ESR2: variants seen among roughly 807,000 people sequenced by gnomAD.
The protein encoded by ESR2 is estrogen receptor beta.
Under a neutral mutation model 49.6 loss-of-function variants are expected in ESR2, and 36 were observed. The ratio of observed to expected loss-of-function variants is 0.73; its 90% confidence interval spans 0.56 to 0.96. The LOEUF (loss-of-function observed/expected upper bound fraction) is 0.96, where lower values mean the gene tolerates loss of function less well. Ranked by LOEUF, ESR2 falls within the 40% of genes least tolerant of loss-of-function variation. The pLI is 0.00. For missense variants in ESR2, 714 were observed against 693.0 expected, an observed-to-expected ratio of 1.03 and a Z score of -0.34; for synonymous variants, 320 against 266.1, an observed-to-expected ratio of 1.20 and a Z score of -1.97.
intron 2 of ESR2, among the ~76,000 whole-genome samples, chr14:64,281,622 C>A (rs2076670030): frequency 6.6e-6 from 1 of 152,110 alleles, no homozygotes; most frequent in Non-Finnish European, 1.5e-5. Flanking sequence ...GCCCTTAGTA[C>A]TTTTAGATTT....
Position 64,249,911 on chromosome 14 carries a change from A to C in ESR2, c.1092-232T>G, listed in dbSNP as rs2274705. 0.18 allele frequency among the ~76,000 whole-genome samples: 26,958 copies of C among 152,194 alleles called. 3,922 individuals carry two copies. Among genetic ancestry groups the C allele is most frequent in the African/African-American group, 0.4 (16,659 of 41,472 alleles). On this transcript the variant is annotated intron_variant, in intron 6 of 8. Transcript: ENST00000341099. ...TTTCCTATAAATCCCTGAAGTAAATATATGAATAAATATTATTTAGGCAAA... is the reference window on the plus strand; with the variant it reads ...TTTCCTATAAATCCCTGAAGTAAATCTATGAATAAATATTATTTAGGCAAA...
intron 3 of ESR2, among the ~76,000 whole-genome samples, chr14:64,276,289 C>T (rs1412019573): frequency 6.6e-6 from 1 of 151,856 alleles, no homozygotes; most frequent in Non-Finnish European, 1.5e-5. Flanking sequence ...AATGCCAGAA[C>T]CCAATATAAA....
intron 4 of ESR2, among the ~76,000 whole-genome samples, chr14:64,266,390 G>T (rs939256333): frequency 6.6e-6 from 1 of 152,222 alleles, no homozygotes; most frequent in African/African-American, 2.4e-5. Context: ...GTTACAGTCA[G>T]CAGGAAGTGA....
chr14:64,336,060 A>T (rs2077528451), intron 1 of ESR2: 1 of 151,148 alleles, frequency 6.6e-6, no homozygotes. Context: ...CATGTTGGCC[A>T]GGCTGGGCTC....
At chr14:64,238,536 C>T (rs757340586) in intron 7 of ESR2, among the ~76,000 whole-genome samples, 8 of 152,110 alleles carry the variant, frequency 5.3e-5, no homozygotes, top group Non-Finnish European at 8.8e-5. Flanking sequence ...CATCCATGCT[C>T]AGGCCCTTGC....
rs397961804 is a variant in ESR2 at position 64,325,980 on chromosome 14, A to AT, written c.-91+11917dup. The stretch of plus-strand genomic sequence containing the variant: ...GGGAGGAGTCAACAATTATACACAG[A>AT]TTTTTTTTTTTTTTGCATGATGGCC... On this transcript the variant is annotated intron_variant, in intron 1 of 8. Transcript: ENST00000358599. Among the ~76,000 whole-genome samples the AT allele has an allele frequency of 7.1e-3, 1,023 of 144,142 alleles. 6 individuals are homozygous for AT. Among genetic ancestry groups the AT allele is most frequent in the Non-Finnish European group, 0.01 (673 of 65,310 alleles). 94.6% of individuals were successfully genotyped at this position (144,142 alleles called of 152,430 possible). A position where few individuals can be genotyped will look rare whatever the true frequency, so the allele number is the denominator to read the frequency against.
rs869146485 is a variant in ESR2 at position 64,262,110 on chromosome 14, C to CT, written c.653-1363dup. On this transcript the variant is annotated intron_variant, in intron 4 of 8. Transcript: ENST00000341099. ...TTTATATGCTTGTTCTTTGGATTTACTTTTTTTTTTTTTTTTTTAAGAGAC... is the reference window on the plus strand; with the variant it reads ...TTTATATGCTTGTTCTTTGGATTTACTTTTTTTTTTTTTTTTTTTAAGAGAC... Among the ~76,000 whole-genome samples, 1,342 of 136,162 alleles carry CT rather than the reference C, an allele frequency of 9.9e-3. 14 individuals are homozygous for CT. Among genetic ancestry groups the CT allele is most frequent in the South Asian group, 0.027 (113 of 4,216 alleles). The allele number at this position is 136,162 out of a possible 152,430, so 89.3% of individuals were successfully genotyped here. A position where few individuals can be genotyped will look rare whatever the true frequency, so the allele number is the denominator to read the frequency against.
chr14:64,265,656 A>T (rs1292405209), intron 4 of ESR2, among the ~76,000 whole-genome samples: 1 of 152,178 alleles, frequency 6.6e-6, no homozygotes, highest in Non-Finnish European at 1.5e-5. Flanking sequence ...ATTCAGAGGG[A>T]TTTCCTGGCT....
intron 1 of ESR2, among the ~76,000 whole-genome samples, chr14:64,331,822 C>T (rs1272319971): frequency 1.9e-5 from 1 of 52,418 alleles, no homozygotes; most frequent in African/African-American, 6.8e-5. Context: ...GACTCCATCT[C>T]AAAAAAAAAA....
rs1043891112 is a variant in ESR2, at chr14:64,228,368, T to C, written c.*4769A>G. Among the ~76,000 whole-genome samples, 4 of 152,210 alleles carry C rather than the reference T, an allele frequency of 2.6e-5. No homozygotes were observed. The highest frequency in any genetic ancestry group is 9.7e-5 in the African/African-American group (4 of 41,436). On this transcript the variant is annotated 3_prime_UTR_variant, in exon 9 of 9. Coordinates refer to ENST00000341099, the MANE Select transcript of ESR2 (RefSeq NM_001437.3). ...TTTATTTATATCATGTTAAACTCTCTACGACAGTGCCATAGACATTAAAGG... is the reference window on the plus strand; with the variant it reads ...TTTATTTATATCATGTTAAACTCTCCACGACAGTGCCATAGACATTAAAGG...
In ESR2 at chr14:64,255,707, T is replaced by C. The variant is rs1441928292; in HGVS notation, c.1091+1519A>G. 7.9e-5 allele frequency among the ~76,000 whole-genome samples: 12 copies of C among 152,338 alleles called. No individual in the cohort carries two copies. In the South Asian group the frequency reaches 1.7e-3, roughly 21 times the overall value. On this transcript the variant is annotated intron_variant, in intron 6 of 8. Transcript: ENST00000341099. ...GGAAGATTGTGAAGATTAAATGTGT[T>C]GACATAAGTTAAATGCATAAGGTGC...
chr14:64,245,113 C>T (rs2075820438), intron 7 of ESR2, among the ~76,000 whole-genome samples: 1 of 152,124 alleles, frequency 6.6e-6, no homozygotes, highest in Non-Finnish European at 1.5e-5. Flanking sequence ...TCCTTAAAAC[C>T]TAGCATAGAA....
intron 1 of ESR2, among the ~76,000 whole-genome samples, chr14:64,313,482 C>T (rs576931612): frequency 5.1e-5 from 7 of 136,862 alleles, no homozygotes; most frequent in Middle Eastern, 4.0e-3. Flanking sequence ...TCCAGTGAGC[C>T]GAGATCAGGC....
At chr14:64,287,025 T>G (rs1474451578) in intron 1 of ESR2, among the ~76,000 whole-genome samples, 1 of 120,590 alleles carries the variant, frequency 8.3e-6, no homozygotes, top group Non-Finnish European at 1.6e-5. Context: ...CCTGAAGTTG[T>G]TTTTTTTTTT....
At chr14:64,235,180 T>G (rs1403454774) in intron 7 of ESR2, 30 bp from the exon 8 acceptor site, 7 of 1,598,626 alleles carry the variant, frequency 4.4e-6, no homozygotes, top group Non-Finnish European at 6.0e-6. Context: ...CAGAAGTCAT[T>G]GCTCTGAGCA....
chr14:64,319,705 T>G (rs1233743108), intron 1 of ESR2, among the ~76,000 whole-genome samples: 2 of 152,210 alleles, frequency 1.3e-5, no homozygotes, highest in Non-Finnish European at 2.9e-5. Context: ...ATTAGGGAAC[T>G]GCAATTAAAA....
intron 5 of ESR2, among the ~76,000 whole-genome samples, chr14:64,258,453 C>G (rs1037573956): frequency 6.6e-6 from 1 of 152,138 alleles, no homozygotes; most frequent in African/African-American, 2.4e-5. Flanking sequence ...GACTCTGGTT[C>G]GAACCCCAGC....
At chr14:64,236,045 T>G (rs1385702196) in intron 7 of ESR2, among the ~76,000 whole-genome samples, 1 of 152,234 alleles carries the variant, frequency 6.6e-6, no homozygotes, top group East Asian at 1.9e-4. Context: ...CTGCTGAGTC[T>G]TGGCTGTCAT....
intron 3 of ESR2, among the ~76,000 whole-genome samples, chr14:64,279,074 T>C (rs1226380109): frequency 1.3e-5 from 2 of 152,242 alleles, no homozygotes; most frequent in African/African-American, 4.8e-5. Flanking sequence ...TGTAACCCAA[T>C]CATTGCTTCC....
Sources: allele counts gnomAD v4.1 joint callset (sites outside exome capture counted in the v4.1 genomes callset), GRCh38; gene constraint gnomAD v4.1.1; transcripts MANE v1.5; gene names NCBI Gene and HGNC (gene_info 2026-07-23, HGNC 2026-07-21).